PRKD3: variants seen among roughly 807,000 people sequenced by gnomAD.
The protein encoded by PRKD3 is protein kinase D3.
In PRKD3, 47 loss-of-function variants were observed where a neutral mutation model predicts 99.2. The observed-to-expected ratio is 0.47, with a 90% CI of 0.38 to 0.60. The LOEUF is 0.60. Among genes scored for constraint, PRKD3 ranks in the 20% least tolerant of loss-of-function variants. PRKD3 has a pLI of 0.00. For synonymous variants in PRKD3, 392 were observed against 355.4 expected, an observed-to-expected ratio of 1.10 and a Z score of -1.16; for missense variants, 1,019 against 1,088.4, an observed-to-expected ratio of 0.94 and a Z score of 0.90.
chr2:37,303,278 G>C (rs1487744612), intron 2 of PRKD3, among the ~76,000 whole-genome samples: 1 of 152,040 alleles, frequency 6.6e-6, no homozygotes, highest in East Asian at 1.9e-4. Flanking sequence ...CAAGTGTCTG[G>C]GGGATCTCAT....
At chr2:37,318,560 G>A (rs1215270547) in intron 1 of PRKD3, among the ~76,000 whole-genome samples, 1 of 152,148 alleles carries the variant, frequency 6.6e-6, no homozygotes, top group African/African-American at 2.4e-5. Flanking sequence ...ACTGCTCAGA[G>A]GATGTTGCTA....
At chr2:37,298,029 T>C (rs1005952543) in intron 2 of PRKD3, among the ~76,000 whole-genome samples, 1 of 152,188 alleles carries the variant, frequency 6.6e-6, no homozygotes, top group African/African-American at 2.4e-5. Context: ...AAATGGGAGA[T>C]TTATCTATTT....
At position 37,259,653 on chromosome 2, in the gene PRKD3, A is replaced by G. The variant is rs1279654257; in HGVS notation, c.2075T>C (p.Phe692Ser). Residue 692 changes from phenylalanine to serine, a missense_variant, in exon 16 of 19, where the codon TTT (phenylalanine) becomes TCT (serine). Physicochemically the swap from Phe to Ser is radical, Grantham distance 155. This residue lies in a region of PRKD3 where 184 missense variants were observed against 275.1 expected (regional missense o/e 0.67). Transcript: ENST00000234179. ...QILVALRNLH[F>S]KNIVHCDLKP... ...TAAATCACAGTGCACAATATTCTTA[A>G]AATGCAGATTCCTCAAAGCAACAAG... The G allele has an allele frequency of 6.2e-7, 1 of 1,612,890 alleles. No individual in the cohort carries two copies.
Position 37,277,880 on chromosome 2 carries a change from T to C in PRKD3, c.1282A>G (p.Ser428Gly), listed in dbSNP as rs1272793970. The change falls in exon 9 of 19, where the codon AGC becomes GGC. Residue 428 changes from serine (S) to glycine (G), a missense_variant. Ser to Gly is a moderately conservative substitution (Grantham distance 56). Around this residue, in one of 3 missense-constraint regions of PRKD3, gnomAD observed 710 missense variants for 692.7 expected, o/e 1.02. Transcript: ENST00000234179. ...TGATTACTGACCAGGTTATCCCTGC[T>C]GGTGTAATGGACCATCCACCCTTCC... ...VKEGWMVHYT[S>G]RDNLRKRHYW... 2 of 1,613,586 alleles carry C rather than the reference T, an allele frequency of 1.2e-6. No individual in the cohort carries two copies. The highest frequency in any genetic ancestry group is 1.1e-5 in the South Asian group (1 of 91,018).
rs377237026 is a variant in PRKD3, at chr2:37,279,805, G to C, written c.1113C>G (p.Phe371Leu). ...CATCGAGATCAGATGGATCCAAGAAGAACATCTTATCTTCTGGGGGTGATG... is the reference window on the plus strand; with the variant it reads ...CATCGAGATCAGATGGATCCAAGAACAACATCTTATCTTCTGGGGGTGATG... Reference protein sequence around the residue: ...EEPSPPEDKMFFLDPSDLDVE... With the variant: ...EEPSPPEDKMLFLDPSDLDVE... The change falls in exon 8 of 19, where the codon TTC becomes TTG. Residue 371 changes from phenylalanine to leucine, a missense_variant. By Grantham distance (22) the Phe-to-Leu change is conservative. This residue lies in a region of PRKD3 where 710 missense variants were observed against 692.7 expected (regional missense o/e 1.02). Coordinates refer to ENST00000234179, the MANE Select transcript of PRKD3 (RefSeq NM_005813.6). 6.8e-6 allele frequency: 11 copies of C among 1,613,702 alleles called. No individual in the cohort carries two copies. In the East Asian group the frequency reaches 1.6e-4, roughly 23 times the overall value.
intron 15 of PRKD3, 106 bp downstream of exon 15, chr2:37,260,117 T>C (rs1016047850): frequency 6.2e-5 from 63 of 1,017,522 alleles, no homozygotes; most frequent in African/African-American, 2.1e-4. Context: ...GTGAGCCAGA[T>C]TGCACCACTG....
intron 17 of PRKD3, among the ~76,000 whole-genome samples, chr2:37,255,824 A>C (rs1439482626): frequency 6.6e-6 from 1 of 152,106 alleles, no homozygotes; most frequent in East Asian, 1.9e-4. Flanking sequence ...TGGGCAACAT[A>C]GTGGGACCCC....
chr2:37,295,996 C>G (rs746662215), intron 2 of PRKD3, among the ~76,000 whole-genome samples: 2 of 151,630 alleles, frequency 1.3e-5, no homozygotes, highest in East Asian at 1.9e-4. Context: ...CCAGAAACTA[C>G]AGCAAGTAAA....
At chr2:37,273,392 A>G (rs1340934690) in intron 11 of PRKD3, among the ~76,000 whole-genome samples, 1 of 152,078 alleles carries the variant, frequency 6.6e-6, no homozygotes, top group African/African-American at 2.4e-5. Flanking sequence ...CATGATCCTC[A>G]TCACACTTGT....
chr2:37,318,092 A>G (rs1207079331), intron 1 of PRKD3, among the ~76,000 whole-genome samples: 1 of 152,152 alleles, frequency 6.6e-6, no homozygotes, highest in Non-Finnish European at 1.5e-5. Context: ...CAATGAAGAG[A>G]AAGAGTAAAT....
intron 7 of PRKD3, among the ~76,000 whole-genome samples, chr2:37,281,401 A>C (rs12471267): frequency 0.11 from 17,307 of 152,242 alleles, 1,388 homozygotes; most frequent in East Asian, 0.35. Flanking sequence ...GTGCTATGGT[A>C]TGAATGTTTG....
intron 16 of PRKD3, among the ~76,000 whole-genome samples, chr2:37,257,432 G>A (rs1049676375): frequency 5.3e-5 from 8 of 152,076 alleles, no homozygotes; most frequent in East Asian, 1.9e-4. Flanking sequence ...TTGGGAGGCC[G>A]AGGCGGGCGG....
At position 37,277,927 on chromosome 2, in the gene PRKD3, C is replaced by A. The variant is rs1284962466; in HGVS notation, c.1235G>T (p.Arg412Met). The change falls in exon 9 of 19, where the codon AGG becomes ATG. Residue 412 changes from arginine to methionine, a missense_variant. Transcript: ENST00000234179. ...TTCCTTCACCATTGTGCTGCTCTTC[C>A]TCTTTGTGTGCTTGATGGATTGTAC... ...RVVQSIKHTK[R>M]KSSTMVKEGW... The A allele has an allele frequency of 2.5e-6, 4 of 1,613,372 alleles. No individual in the cohort carries two copies. The African/African-American group carries it at 5.3e-5, about 22-fold the overall frequency.
At chr2:37,255,392 A>G (rs1245145989) in intron 17 of PRKD3, among the ~76,000 whole-genome samples, 1 of 152,166 alleles carries the variant, frequency 6.6e-6, no homozygotes, top group South Asian at 2.1e-4. Flanking sequence ...ATTAACTTCT[A>G]TGGGGCAGTT....
In PRKD3 at chr2:37,285,469, A is replaced by G. The variant is rs140537860; in HGVS notation, c.910+708T>C. On this transcript the variant is annotated intron_variant, in intron 6 of 18. Transcript: ENST00000234179. The stretch of plus-strand genomic sequence containing the variant: ...GCTTTTATTACGTCCTACCTATTTC[A>G]GGGTGATTATTCTCGGGAATGACAG... Among the ~76,000 whole-genome samples, 799 of 152,266 alleles carry G rather than the reference A, an allele frequency of 5.2e-3. 10 individuals are homozygous for G. Among genetic ancestry groups the G allele is most frequent in the African/African-American group, 0.017 (727 of 41,566 alleles).
chr2:37,312,896 T>A (rs902442279), intron 2 of PRKD3, among the ~76,000 whole-genome samples: 1 of 152,206 alleles, frequency 6.6e-6, no homozygotes, highest in Non-Finnish European at 1.5e-5. Context: ...GAGCAATCGT[T>A]CACTATTAGC....
At position 37,286,188 on chromosome 2, in the gene PRKD3, A is replaced by C. The variant is rs769654399; in HGVS notation, c.899T>G (p.Met300Arg). 1.2e-6 allele frequency: 2 copies of C among 1,612,726 alleles called. No individual in the cohort carries two copies. The highest frequency in any genetic ancestry group is 8.5e-7 in the Non-Finnish European group (1 of 1,178,986). The change falls in exon 6 of 19, where the codon ATG (methionine) becomes AGG (arginine). Residue 300 changes from methionine (M) to arginine (R), a missense_variant. This residue lies in a region of PRKD3 where 710 missense variants were observed against 692.7 expected (regional missense o/e 1.02). Transcript: ENST00000234179. The part of the protein sequence containing the change: ...RLLKGLFRQG[M>R]QCKDCKFNCH... ...ACACCTAATCCTACCTTTACACTGC[A>C]TTCCTTGGCGAAAGAGGCCTTTCAG...
chr2:37,253,817 G>A (rs1667714111), intron 18 of PRKD3, among the ~76,000 whole-genome samples: 1 of 152,116 alleles, frequency 6.6e-6, no homozygotes. Flanking sequence ...AGTTTGGAGG[G>A]TATCTTTTGA....
intron 1 of PRKD3, among the ~76,000 whole-genome samples, chr2:37,322,394 T>C (rs901979756): frequency 6.6e-6 from 1 of 152,252 alleles, no homozygotes; most frequent in African/African-American, 2.4e-5. Context: ...TTTGCTAAAT[T>C]GTTTCCTCTA....
Sources: allele counts gnomAD v4.1 joint callset (sites outside exome capture counted in the v4.1 genomes callset), GRCh38; gene constraint gnomAD v4.1.1; regional missense constraint gnomAD v4.1.1; transcripts MANE v1.5; gene names NCBI Gene and HGNC (gene_info 2026-07-23, HGNC 2026-07-21).